GFOD1: variants seen among roughly 807,000 people sequenced by gnomAD.
GFOD1 encodes the protein Gfo/Idh/MocA-like oxidoreductase domain containing 1.
A neutral mutation model predicts 25.4 loss-of-function variants in GFOD1; 9 were observed. The ratio of observed to expected loss-of-function variants is 0.35; its 90% CI spans 0.21 to 0.62. The LOEUF (loss-of-function observed/expected upper bound fraction) is 0.62. GFOD1 is among the 20% of genes least tolerant of loss of function. The pLI is 0.72. For synonymous variants in GFOD1, 253 were observed against 245.6 expected, an observed-to-expected ratio of 1.03 and a Z score of -0.28; for missense variants, 403 against 556.9, an observed-to-expected ratio of 0.72 and a Z score of 2.78.
chr6:13,417,696 A>G (rs964737076), intron 1 of GFOD1, among the ~76,000 whole-genome samples: 1 of 152,254 alleles, frequency 6.6e-6, no homozygotes, highest in Non-Finnish European at 1.5e-5. Flanking sequence ...GGCTCAAAAC[A>G]GTCACAGAGC....
chr6:13,486,522 A>G, intron 1 of GFOD1, 116 bp downstream of exon 1: 1 of 829,458 alleles, frequency 1.2e-6, no homozygotes, highest in Non-Finnish European at 1.9e-6. Flanking sequence ...TCCCCGGGGC[A>G]GCGTAGATGC....
intron 1 of GFOD1, among the ~76,000 whole-genome samples, chr6:13,439,271 C>G (rs1383094397): frequency 2.0e-5 from 3 of 152,194 alleles, no homozygotes; most frequent in African/African-American, 7.2e-5. Flanking sequence ...TCTGTAATTT[C>G]AAGTGGATTT....
At chr6:13,440,071 G>A (rs895438080) in intron 1 of GFOD1, among the ~76,000 whole-genome samples, 7 of 152,186 alleles carry the variant, frequency 4.6e-5, no homozygotes, top group Non-Finnish European at 7.3e-5. Flanking sequence ...AATACTGGAT[G>A]TTGGCAATCA....
rs1554200661 is a variant in GFOD1 at position 13,390,810 on chromosome 6, A to AGGAAGGAAGGAAGGAG, written c.254-25149_254-25148insCTCCTTCCTTCCTTCC. Among the ~76,000 whole-genome samples the AGGAAGGAAGGAAGGAG allele has an allele frequency of 6.2e-3, 942 of 151,350 alleles. 12 individuals are homozygous for AGGAAGGAAGGAAGGAG. The highest frequency in any genetic ancestry group is 0.021 in the African/African-American group (844 of 41,058). ...AAGGAAGGAAGGAAGGAAGGAAGGA[A>AGGAAGGAAGGAAGGAG]GGAAGGAAGGAAGGAAGGATAATAA... is the stretch of plus-strand genomic sequence containing the variant. On this transcript the variant is annotated intron_variant, in intron 1 of 1. Transcript: ENST00000379287.
chr6:13,420,996 T>G (rs959330162), intron 1 of GFOD1, among the ~76,000 whole-genome samples: 1 of 152,198 alleles, frequency 6.6e-6, no homozygotes, highest in East Asian at 1.9e-4. Context: ...ACGAACCACC[T>G]AAATGTCTAA....
In GFOD1 at chr6:13,388,675, G is replaced by C. The variant is rs1238426709; in HGVS notation, c.254-23013C>G. Among the ~76,000 whole-genome samples the C allele has an allele frequency of 2.0e-5, 3 of 152,124 alleles. No individual in the cohort carries two copies. The East Asian group carries it at 5.8e-4, about 29-fold the overall frequency. Reference sequence around the variant, plus strand: ...CATAAAAACACTAGAAGAAAACCTAGGCAATACCATTCAGGACACAGACAT... The same window carrying C: ...CATAAAAACACTAGAAGAAAACCTACGCAATACCATTCAGGACACAGACAT... On this transcript the variant is annotated intron_variant, in intron 1 of 1. Coordinates refer to ENST00000379287, the MANE Select transcript of GFOD1 (RefSeq NM_018988.4).
At chr6:13,375,858 AT>A (rs1242553689) in intron 1 of GFOD1, among the ~76,000 whole-genome samples, 3 of 152,148 alleles carry the variant, frequency 2.0e-5, no homozygotes, top group African/African-American at 7.2e-5. Flanking sequence ...TGTAATGAGC[AT>A]TTACTCCTGA....
At position 13,487,485 on chromosome 6, in the gene GFOD1, C is replaced by A. The variant is rs1758900994; in HGVS notation, c.-595G>T. 6.6e-6 allele frequency: 1 copy of A among 151,966 alleles called. No individual in the cohort carries two copies. Among genetic ancestry groups the A allele is most frequent in the Non-Finnish European group, 1.5e-5 (1 of 67,990 alleles). 9.4% of individuals were successfully genotyped at this position (151,966 alleles called of 1,614,324 possible). On this transcript the variant is annotated 5_prime_UTR_variant, in exon 1 of 2. Coordinates refer to ENST00000379287, the MANE Select transcript of GFOD1 (RefSeq NM_018988.4). The surrounding 1 kb of genome is among the most constrained non-coding windows in gnomAD (Gnocchi z 4.9). Reference sequence around the variant, plus strand: ...GGCCCGGAGCGCGCCGGACTGGGATCCCGAGCTGCAGCGCGGCAGCGGCGG... The same window carrying A: ...GGCCCGGAGCGCGCCGGACTGGGATACCGAGCTGCAGCGCGGCAGCGGCGG...
intron 1 of GFOD1, among the ~76,000 whole-genome samples, chr6:13,483,049 C>T (rs1341494765): frequency 1.3e-5 from 2 of 152,050 alleles, no homozygotes; most frequent in East Asian, 3.8e-4. Flanking sequence ...GACTAGGGGA[C>T]ATTCAGTCTT....
At chr6:13,444,360 G>A (rs186105902) in intron 1 of GFOD1, among the ~76,000 whole-genome samples, 9 of 151,800 alleles carry the variant, frequency 5.9e-5, no homozygotes, top group South Asian at 2.1e-4. Context: ...GTCTCCTTAC[G>A]GGTGGAGGGT....
chr6:13,417,311 G>A (rs1389613336), intron 1 of GFOD1, among the ~76,000 whole-genome samples: 1 of 152,064 alleles, frequency 6.6e-6, no homozygotes, highest in Non-Finnish European at 1.5e-5. Flanking sequence ...CCGCCACCAC[G>A]CCCGGCTAAT....
At chr6:13,464,034 T>C (rs1758338703) in intron 1 of GFOD1, among the ~76,000 whole-genome samples, 1 of 152,162 alleles carries the variant, frequency 6.6e-6, no homozygotes, top group Admixed American at 6.5e-5. Context: ...TAAAATTTGT[T>C]CTCCCTGTAA....
chr6:13,467,883 C>T (rs960986561), intron 1 of GFOD1, among the ~76,000 whole-genome samples: 5 of 152,194 alleles, frequency 3.3e-5, no homozygotes, highest in African/African-American at 1.2e-4. Flanking sequence ...ACCACTTCCA[C>T]TTCCTAGAAG....
At chr6:13,369,205 C>T (rs1163956769) in intron 1 of GFOD1, among the ~76,000 whole-genome samples, 1 of 152,216 alleles carries the variant, frequency 6.6e-6, no homozygotes, top group Non-Finnish European at 1.5e-5. Context: ...GCCTGCCCCA[C>T]CTTTGTGCCC....
intron 1 of GFOD1, among the ~76,000 whole-genome samples, chr6:13,407,221 G>T (rs543926959): frequency 1.2e-4 from 18 of 152,338 alleles, no homozygotes; most frequent in Non-Finnish European, 2.1e-4. Flanking sequence ...ATGGGAGGAA[G>T]AACTTTTTAT....
At chr6:13,390,826 A>AGGAAGGAT (rs1562202843) in intron 1 of GFOD1, among the ~76,000 whole-genome samples, 1 of 150,054 alleles carries the variant, frequency 6.7e-6, no homozygotes, top group Non-Finnish European at 1.5e-5. Context: ...GAAGGAAGGA[A>AGGAAGGAT]GGATAATAAC....
chr6:13,416,431 T>G (rs1786163750), intron 1 of GFOD1, among the ~76,000 whole-genome samples: 1 of 152,154 alleles, frequency 6.6e-6, no homozygotes, highest in Non-Finnish European at 1.5e-5. Context: ...AAGAAGGAAC[T>G]TACTTTAGAA....
chr6:13,396,998 G>T (rs1785745441), intron 1 of GFOD1, among the ~76,000 whole-genome samples: 1 of 152,190 alleles, frequency 6.6e-6, no homozygotes, highest in Non-Finnish European at 1.5e-5. Context: ...GGAAGGTAGG[G>T]CTTCCTGAGT....
intron 1 of GFOD1, among the ~76,000 whole-genome samples, chr6:13,422,619 G>A (rs1786279434): frequency 6.6e-6 from 1 of 152,210 alleles, no homozygotes; most frequent in South Asian, 2.1e-4. Context: ...TAAGTCACTA[G>A]CGTTCAGGTG....
Sources: allele counts gnomAD v4.1 joint callset (sites outside exome capture counted in the v4.1 genomes callset), GRCh38; gene constraint gnomAD v4.1.1; non-coding constraint Gnocchi (gnomAD v3.1); transcripts MANE v1.5; gene names NCBI Gene and HGNC (gene_info 2026-07-23, HGNC 2026-07-21).